Variants in YPEL2 observed in about 807,000 individuals in gnomAD.
The protein encoded by YPEL2 is yippee like 2.
YPEL2 carries 2 observed loss-of-function variants against 19.1 expected under a neutral mutation model. The ratio of observed to expected loss-of-function variants is 0.10; its 90% CI spans 0.04 to 0.33. YPEL2 has a LOEUF of 0.33. YPEL2 is among the 10% of genes least tolerant of loss of function. YPEL2 has a pLI of 1.00. For missense variants in YPEL2, 66 were observed against 140.7 expected, an observed-to-expected ratio of 0.47 and a Z score of 2.68; for synonymous variants, 52 against 50.0, an observed-to-expected ratio of 1.04 and a Z score of -0.17.
chr17:59,370,905 CAG>C (rs2047893940), intron 2 of YPEL2, among the ~76,000 whole-genome samples: 2 of 152,302 alleles, frequency 1.3e-5, no homozygotes, highest in South Asian at 4.1e-4. Context: ...CCAACTGGGT[CAG>C]GGGGAGTGAC....
intron 2 of YPEL2, among the ~76,000 whole-genome samples, chr17:59,371,435 T>G (rs1305934416): frequency 1.3e-5 from 2 of 152,194 alleles, no homozygotes; most frequent in African/African-American, 4.8e-5. Context: ...CAATCGTACA[T>G]ATGCTCCGGC....
intron 2 of YPEL2, among the ~76,000 whole-genome samples, chr17:59,385,696 G>T (rs2047976434): frequency 6.6e-6 from 1 of 152,126 alleles, no homozygotes; most frequent in Non-Finnish European, 1.5e-5. Context: ...AGATGTTTGG[G>T]TGTCATGGGT....
intron 1 of YPEL2, among the ~76,000 whole-genome samples, chr17:59,346,423 C>T (rs943163099): frequency 6.6e-6 from 1 of 152,124 alleles, no homozygotes; most frequent in African/African-American, 2.4e-5. Context: ...TGTGGTTTTC[C>T]TGGGCATCAC....
intron 2 of YPEL2, among the ~76,000 whole-genome samples, chr17:59,358,488 T>C (rs1333307535): frequency 6.6e-6 from 1 of 152,032 alleles, no homozygotes; most frequent in African/African-American, 2.4e-5. Context: ...TGCAGTGGCG[T>C]AGGGGCAGTG....
chr17:59,394,691 G>T (rs1292206930), intron 4 of YPEL2, among the ~76,000 whole-genome samples: 8 of 152,132 alleles, frequency 5.3e-5, no homozygotes, highest in African/African-American at 1.9e-4. Context: ...CGGGGTGGCG[G>T]CCGGGCAGAG....
In YPEL2 at chr17:59,388,156, C is replaced by T. The variant is rs191547022; in HGVS notation, c.118-171C>T. ...TCGAGCTTTGTGGCTCTGTTAATTCCGCCCTCTTCTCCGCCCCCACACCAT... is the reference window on the plus strand; with the variant it reads ...TCGAGCTTTGTGGCTCTGTTAATTCTGCCCTCTTCTCCGCCCCCACACCAT... On this transcript the variant is annotated intron_variant, in intron 2 of 4. Transcript: ENST00000312655. Among the ~76,000 whole-genome samples, 4 of 152,212 alleles carry T rather than the reference C, an allele frequency of 2.6e-5. No homozygotes were observed. The East Asian group carries it at 7.7e-4, about 29-fold the overall frequency.
In YPEL2 at chr17:59,389,360, A is replaced by C; in HGVS notation, c.162A>C (p.Val54=). 2 of 1,613,678 alleles carry C rather than the reference A, an allele frequency of 1.2e-6. No individual in the cohort carries two copies. Among genetic ancestry groups the C allele is most frequent in the South Asian group, 2.2e-5 (2 of 91,044 alleles). Residue 54 remains valine, a splice_region_variant and synonymous_variant, in exon 4 of 5, where the codon GTA becomes GTC. Transcript: ENST00000312655. ...TCTCTCTTCTTGTGCCTCGACATAG[A>C]GTTAATGTGGGCTGTGGGCCTGCAG... ...SQGRAYLFNS[V]VNVGCGPAEE...
At chr17:59,367,557 G>A (rs1280923393) in intron 2 of YPEL2, among the ~76,000 whole-genome samples, 1 of 152,192 alleles carries the variant, frequency 6.6e-6, no homozygotes, top group Non-Finnish European at 1.5e-5. Context: ...GGCCCAATTA[G>A]GCCCTTGGAC....
At chr17:59,391,441 A>T (rs1032352983) in intron 4 of YPEL2, among the ~76,000 whole-genome samples, 3 of 152,154 alleles carry the variant, frequency 2.0e-5, no homozygotes, top group Non-Finnish European at 4.4e-5. Context: ...TTACACACAT[A>T]TAAAATAATG....
intron 1 of YPEL2, among the ~76,000 whole-genome samples, chr17:59,337,990 C>CT (rs2047708166): frequency 6.6e-6 from 1 of 152,210 alleles, no homozygotes; most frequent in Non-Finnish European, 1.5e-5. Context: ...TAGGCAGAGT[C>CT]TACCTTCTCT....
chr17:59,353,186 A>G lies in YPEL2; in HGVS notation c.-195-29A>G, dbSNP rs2047795865. 1 of 441,334 alleles carries G rather than the reference A, an allele frequency of 2.3e-6. No homozygotes were observed. The highest frequency in any genetic ancestry group is 4.0e-6 in the Non-Finnish European group (1 of 247,670). The allele number at this position is 441,334 out of a possible 1,614,324, so 27.3% of individuals were successfully genotyped here. On this transcript the variant is annotated intron_variant, in intron 1 of 4. Coordinates refer to ENST00000312655, the MANE Select transcript of YPEL2 (RefSeq NM_001005404.4). The surrounding 1 kb of genome is among the most constrained non-coding windows in gnomAD (Gnocchi z 4.8). ...GTAGGGAGCCCTGCTCCATCAGCCA[A>G]TGTTAGTCCTCTTCCCTTGATGTTA... is the stretch of plus-strand genomic sequence containing the variant.
At chr17:59,379,270 G>A (rs1480489853) in intron 2 of YPEL2, among the ~76,000 whole-genome samples, 1 of 152,104 alleles carries the variant, frequency 6.6e-6, no homozygotes, top group Non-Finnish European at 1.5e-5. Context: ...ACAGGATCTA[G>A]GGCTGTTTTG....
intron 1 of YPEL2, among the ~76,000 whole-genome samples, chr17:59,344,042 G>C (rs2047744275): frequency 6.6e-6 from 1 of 152,154 alleles, no homozygotes; most frequent in Non-Finnish European, 1.5e-5. Flanking sequence ...TTTCCTGCTT[G>C]GGCAACTGGA....
intron 1 of YPEL2, among the ~76,000 whole-genome samples, chr17:59,341,411 C>A (rs566169583): frequency 2.0e-5 from 3 of 151,446 alleles, no homozygotes; most frequent in Non-Finnish European, 2.9e-5. Flanking sequence ...AGGCCAGGCG[C>A]GGTGACTCAT....
At chr17:59,395,917 A>T (rs1458021171) in intron 4 of YPEL2, among the ~76,000 whole-genome samples, 1 of 152,084 alleles carries the variant, frequency 6.6e-6, no homozygotes, top group Middle Eastern at 3.2e-3. Flanking sequence ...TCTCTACTGA[A>T]AATACAAAAA....
At chr17:59,379,851 T>TG (rs1456852423) in intron 2 of YPEL2, among the ~76,000 whole-genome samples, 10 of 43,770 alleles carry the variant, frequency 2.3e-4, no homozygotes, top group East Asian at 2.4e-3. Flanking sequence ...TCAATAAGTT[T>TG]GGGGTTTTTG....
chr17:59,339,296 A>G (rs1272716901), intron 1 of YPEL2, among the ~76,000 whole-genome samples: 4 of 152,138 alleles, frequency 2.6e-5, no homozygotes, highest in Non-Finnish European at 5.9e-5. Context: ...TAGGGCTTGC[A>G]GTTTGTTTTG....
chr17:59,369,155 C>T (rs1567748089), intron 2 of YPEL2, among the ~76,000 whole-genome samples: 1 of 152,156 alleles, frequency 6.6e-6, no homozygotes, highest in Non-Finnish European at 1.5e-5. Context: ...ATTGCAACTC[C>T]CTGTTGATGA....
At chr17:59,364,212 T>C (rs1429961035) in intron 2 of YPEL2, among the ~76,000 whole-genome samples, 1 of 152,188 alleles carries the variant, frequency 6.6e-6, no homozygotes, top group African/African-American at 2.4e-5. Flanking sequence ...CTAGTTCAAC[T>C]CCTCATTTTA....
Sources: allele counts gnomAD v4.1 joint callset (sites outside exome capture counted in the v4.1 genomes callset), GRCh38; gene constraint gnomAD v4.1.1; non-coding constraint Gnocchi (gnomAD v3.1); transcripts MANE v1.5; gene names NCBI Gene and HGNC (gene_info 2026-07-23, HGNC 2026-07-21).